YES1: variants seen among roughly 807,000 people sequenced by gnomAD.
The protein encoded by YES1 is tyrosine-protein kinase Yes.
Under a neutral mutation model 70.4 loss-of-function variants are expected in YES1, and 39 were observed. That is an observed-to-expected ratio of 0.55 (90% CI 0.43 to 0.72). YES1 has a LOEUF of 0.72. YES1 is among the 30% of genes least tolerant of loss of function. YES1 has a pLI of 0.00. For missense variants in YES1, 495 were observed against 644.8 expected, an observed-to-expected ratio of 0.77 and a Z score of 2.52; for synonymous variants, 198 against 218.6, an observed-to-expected ratio of 0.91 and a Z score of 0.83.
intron 1 of YES1, among the ~76,000 whole-genome samples, chr18:797,014 C>A (rs1184884273): frequency 6.6e-6 from 1 of 152,044 alleles, no homozygotes; most frequent in Non-Finnish European, 1.5e-5. Context: ...GAATTTTTAA[C>A]ATCATCTTCA....
At chr18:743,681 A>G (rs976053896) in intron 6 of YES1, among the ~76,000 whole-genome samples, 1 of 152,068 alleles carries the variant, frequency 6.6e-6, no homozygotes, top group African/African-American at 2.4e-5. Flanking sequence ...GTTGAGGCAG[A>G]TGAATCACGA....
At chr18:812,528 C>G (rs1343763319), upstream of YES1, 2 of 152,342 alleles carry the variant, frequency 1.3e-5, no homozygotes, top group Non-Finnish European at 2.9e-5. Flanking sequence ...GCGACCGGTC[C>G]GTGTCACTTC....
At chr18:786,163 T>C (rs1172528062) in intron 1 of YES1, among the ~76,000 whole-genome samples, 1 of 151,908 alleles carries the variant, frequency 6.6e-6, no homozygotes, top group Non-Finnish European at 1.5e-5. Context: ...TAAGATGCAA[T>C]TGTTCTTCAA....
intron 1 of YES1, among the ~76,000 whole-genome samples, chr18:806,896 C>T (rs1363069561): frequency 1.3e-5 from 2 of 152,204 alleles, no homozygotes; most frequent in South Asian, 2.1e-4. Flanking sequence ...AAATGCCAAA[C>T]CCCAAACTAC....
At chr18:740,009 A>G (rs367733542) in intron 8 of YES1, among the ~76,000 whole-genome samples, 198 bp from the exon 9 acceptor site, 4 of 152,190 alleles carry the variant, frequency 2.6e-5, no homozygotes, top group African/African-American at 9.7e-5. Context: ...AAAACTTCTG[A>G]TAACACATGC....
rs370819737 is a variant in YES1, at chr18:796,406, A to C, written c.-9+15708T>G. ...TACAGGGACTGTCACACAGTCAATT[A>C]TCAATACACATTAGTTGCTGTTATC... is the stretch of plus-strand genomic sequence containing the variant. On this transcript the variant is annotated intron_variant, in intron 1 of 11. Transcript: ENST00000314574. 1.2e-4 allele frequency among the ~76,000 whole-genome samples: 19 copies of C among 152,352 alleles called. 1 individual carries two copies. The highest frequency in any genetic ancestry group is 4.6e-4 in the African/African-American group (19 of 41,592).
chr18:739,631 A>G, intron 9 of YES1, 104 bp downstream of exon 9: 1 of 920,126 alleles, frequency 1.1e-6, no homozygotes, highest in East Asian at 2.9e-5. Flanking sequence ...AATAAAAATA[A>G]AATCCCACCA....
At chr18:737,120 G>A in intron 9 of YES1, 159 bp from the exon 10 acceptor site, 2 of 609,656 alleles carry the variant, frequency 3.3e-6, no homozygotes, top group Non-Finnish European at 5.3e-6. Context: ...AGGAAAACCA[G>A]AAAACATAAT....
intron 9 of YES1, chr18:738,672 A>T: frequency 7.0e-6 from 1 of 143,638 alleles, no homozygotes; most frequent in African/African-American, 2.6e-5. Context: ...CCTGGGTGAC[A>T]GAGCGAGACT....
At chr18:783,360 A>G (rs924902667) in intron 1 of YES1, among the ~76,000 whole-genome samples, 3 of 151,744 alleles carry the variant, frequency 2.0e-5, no homozygotes, top group African/African-American at 7.3e-5. Context: ...TCCAAACTGA[A>G]CAGAAAACTC....
chr18:773,479 G>C (rs1272415756), intron 1 of YES1, among the ~76,000 whole-genome samples: 1 of 152,132 alleles, frequency 6.6e-6, no homozygotes, highest in Non-Finnish European at 1.5e-5. Flanking sequence ...AGGTAAATCA[G>C]TGTATTCAAA....
At chr18:758,161 TA>T (rs1345793887) in intron 1 of YES1, among the ~76,000 whole-genome samples, 8 of 152,182 alleles carry the variant, frequency 5.3e-5, no homozygotes, top group Non-Finnish European at 1.0e-4. Context: ...ACCCAGTATA[TA>T]AAAAACATTT....
At chr18:726,824 G>T (rs1478831828) in intron 11 of YES1, among the ~76,000 whole-genome samples, 2 of 127,176 alleles carry the variant, frequency 1.6e-5, no homozygotes, top group East Asian at 4.5e-4. Context: ...AATTCACATG[G>T]TAAATACTTA....
chr18:732,334 G>A (rs1387107593), intron 11 of YES1, among the ~76,000 whole-genome samples: 2 of 150,840 alleles, frequency 1.3e-5, no homozygotes, highest in African/African-American at 2.4e-5. Flanking sequence ...CAGCTACTTG[G>A]GAGGCTGAGG....
intron 3 of YES1, 143 bp from the exon 4 acceptor site, chr18:748,161 T>G (rs2080302219): frequency 1.6e-6 from 1 of 641,938 alleles, no homozygotes; most frequent in Admixed American, 2.6e-5. Context: ...AGAATTAAAC[T>G]CAAAGAATGA....
intron 2 of YES1, among the ~76,000 whole-genome samples, chr18:753,105 A>G (rs987155088): frequency 1.3e-5 from 2 of 152,202 alleles, no homozygotes; most frequent in Non-Finnish European, 2.9e-5. Context: ...AGATGTATAC[A>G]ATATGCATGA....
chr18:789,938 A>C (rs1485227335), intron 1 of YES1, among the ~76,000 whole-genome samples: 3 of 152,174 alleles, frequency 2.0e-5, no homozygotes, highest in South Asian at 2.1e-4. Flanking sequence ...ACATGACTGT[A>C]ATCCCAGCTA....
At chr18:765,101 T>C (rs1904815107) in intron 1 of YES1, among the ~76,000 whole-genome samples, 1 of 151,164 alleles carries the variant, frequency 6.6e-6, no homozygotes, top group African/African-American at 2.4e-5. Context: ...TCAAAAGAAT[T>C]AACACAATGT....
At chr18:759,397 G>A (rs1192356212) in intron 1 of YES1, among the ~76,000 whole-genome samples, 2 of 152,194 alleles carry the variant, frequency 1.3e-5, no homozygotes, top group African/African-American at 4.8e-5. Flanking sequence ...AACCCAGGAG[G>A]CGGAGGTTGC....
Sources: gnomAD v4.1 joint callset for allele counts (sites outside exome capture counted in the v4.1 genomes callset) on GRCh38, gnomAD v4.1.1 for gene constraint, MANE v1.5 for transcripts, NCBI Gene and HGNC (gene_info 2026-07-23, HGNC 2026-07-21) for gene names.